Variants in DIS3L2 observed in about 807,000 individuals in gnomAD.
The protein encoded by DIS3L2 is DIS3 like 3'-5' exoribonuclease 2.
DIS3L2 carries 34 observed loss-of-function variants against 97.5 expected under a neutral mutation model. That is an observed-to-expected ratio of 0.35 (90% CI 0.27 to 0.46). DIS3L2 has a LOEUF of 0.46. Ranked by LOEUF, DIS3L2 falls within the 20% of genes least tolerant of loss-of-function variation. The pLI, the probability that DIS3L2 is intolerant of heterozygous loss-of-function variation, is 1.00. For missense variants in DIS3L2, 1,038 were observed against 1,146.0 expected (o/e 0.91, Z 1.36); for synonymous variants, 435 against 445.2 (o/e 0.98, Z 0.29).
chr2:232,316,070 C>T (rs1458996689), intron 14 of DIS3L2, among the ~76,000 whole-genome samples: 1 of 152,146 alleles, frequency 6.6e-6, no homozygotes, highest in Non-Finnish European at 1.5e-5. Flanking sequence ...GTCGGGGACC[C>T]CGCTCTCAGC....
At chr2:232,282,829 C>G (rs1409502549) in intron 13 of DIS3L2, among the ~76,000 whole-genome samples, 2 of 152,206 alleles carry the variant, frequency 1.3e-5, no homozygotes, top group Non-Finnish European at 2.9e-5. Context: ...ATTTTCCCCA[C>G]TTTCTGAATT....
chr2:232,028,247 T>A (rs1221041635), intron 4 of DIS3L2, among the ~76,000 whole-genome samples: 1 of 152,154 alleles, frequency 6.6e-6, no homozygotes, highest in South Asian at 2.1e-4. Flanking sequence ...TTTTCTATTA[T>A]CTATTCTTTC....
chr2:232,282,135 G>A (rs60990752), intron 13 of DIS3L2, among the ~76,000 whole-genome samples: 4,399 of 98,728 alleles, frequency 0.045, 94 homozygotes, highest in Admixed American at 0.098. Context: ...AGCCCTTCTC[G>A]TTTATTTAAA....
intron 12 of DIS3L2, among the ~76,000 whole-genome samples, chr2:232,257,305 T>C (rs1006015641): frequency 2.0e-5 from 3 of 152,162 alleles, no homozygotes; most frequent in African/African-American, 7.2e-5. Context: ...GGACCTTCCC[T>C]AGCAAGTTTG....
intron 10 of DIS3L2, among the ~76,000 whole-genome samples, chr2:232,227,242 G>A (rs1018997298): frequency 2.6e-5 from 4 of 152,056 alleles, no homozygotes; most frequent in Non-Finnish European, 4.4e-5. Flanking sequence ...AATTGAGAGC[G>A]CTTGTAGTCT....
intron 14 of DIS3L2, among the ~76,000 whole-genome samples, chr2:232,316,998 G>C (rs758153583): frequency 1.3e-5 from 2 of 152,020 alleles, no homozygotes; most frequent in Non-Finnish European, 2.9e-5. Flanking sequence ...TAGTGTCATC[G>C]AGCTTAACTC....
At chr2:232,176,606 G>A (rs1356362064) in intron 9 of DIS3L2, among the ~76,000 whole-genome samples, 1 of 150,574 alleles carries the variant, frequency 6.6e-6, no homozygotes, top group Non-Finnish European at 1.5e-5. Context: ...TTTTTTTCTT[G>A]AGATGGGAGT....
At chr2:232,130,883 T>C (rs1014068407) in intron 7 of DIS3L2, 164 bp downstream of exon 7, 27 of 1,046,276 alleles carry the variant, frequency 2.6e-5, no homozygotes, top group Non-Finnish European at 3.4e-5. Context: ...TTTAAACATA[T>C]AAATACGAAT....
chr2:232,317,594 G>A (rs763467801), intron 14 of DIS3L2, among the ~76,000 whole-genome samples: 3 of 151,760 alleles, frequency 2.0e-5, no homozygotes, highest in Non-Finnish European at 2.9e-5. Context: ...CCTCCACCAC[G>A]CCTGGCTAAT....
At chr2:232,327,349 G>T (rs1388760977) in intron 14 of DIS3L2, among the ~76,000 whole-genome samples, 2 of 152,264 alleles carry the variant, frequency 1.3e-5, no homozygotes, top group African/African-American at 2.4e-5. Flanking sequence ...CTTCCGGCAA[G>T]CCTGCAGCTG....
chr2:231,990,570 AT>A (rs1288234849), intron 1 of DIS3L2, among the ~76,000 whole-genome samples: 1 of 152,222 alleles, frequency 6.6e-6, no homozygotes, highest in African/African-American at 2.4e-5. Context: ...CACATGAGAA[AT>A]CAAGCTATTT....
chr2:232,131,795 C>G (rs1559661455), intron 7 of DIS3L2: 5 of 151,702 alleles, frequency 3.3e-5, no homozygotes. Flanking sequence ...AAATTATACT[C>G]TATATATTTG....
intron 16 of DIS3L2, among the ~76,000 whole-genome samples, chr2:232,333,239 T>TCCTCCTCCGCTGTCG (rs1229909309): frequency 8.3e-4 from 51 of 61,664 alleles, no homozygotes; most frequent in African/African-American, 3.6e-3. Context: ...CTCCTCCTCC[T>TCCTCCTCCGCTGTCG]CCTCCTCCTC....
At chr2:231,969,032 C>T (rs1040246162) in intron 1 of DIS3L2, among the ~76,000 whole-genome samples, 3 of 152,102 alleles carry the variant, frequency 2.0e-5, no homozygotes, top group African/African-American at 4.8e-5. Context: ...CTGCCGCCGC[C>T]GTGTAAGACA....
chr2:232,205,490 C>T (rs1692005115), intron 9 of DIS3L2, among the ~76,000 whole-genome samples: 1 of 151,988 alleles, frequency 6.6e-6, no homozygotes, highest in South Asian at 2.1e-4. Context: ...GTTGTAGAAA[C>T]AGGGTTTCAC....
rs1055484644 is a variant in DIS3L2, at chr2:232,337,114, C to T, written c.*484C>T. 12 of 1,015,664 alleles carry T rather than the reference C, an allele frequency of 1.2e-5. No homozygotes were observed. Among genetic ancestry groups the T allele is most frequent in the African/African-American group, 1.0e-4 (6 of 57,376 alleles). 62.9% of individuals were successfully genotyped at this position (1,015,664 alleles called of 1,614,324 possible). A position where few individuals can be genotyped will look rare whatever the true frequency, so the allele number is the denominator to read the frequency against. Reference sequence around the variant, plus strand: ...TGGAACTTTCCTGTCAGTTCCAACACGATTCAGAGCTGGCTGCCTGGCAGA... The same window carrying T: ...TGGAACTTTCCTGTCAGTTCCAACATGATTCAGAGCTGGCTGCCTGGCAGA... On this transcript the variant is annotated 3_prime_UTR_variant, in exon 21 of 21. Coordinates refer to ENST00000325385, the MANE Select transcript of DIS3L2 (RefSeq NM_152383.5).
At position 232,014,891 on chromosome 2, in the gene DIS3L2, T is replaced by G; in HGVS notation, c.-37T>G. 1 of 1,612,344 alleles carries G rather than the reference T, an allele frequency of 6.2e-7. No individual in the cohort carries two copies. Among genetic ancestry groups the G allele is most frequent in the South Asian group, 1.1e-5 (1 of 90,778 alleles). ...CTCTGAGCTAAGCAGTGGAGGTTTCTCTGGATCTGGAGAGAAGAGTGACCT... is the reference window on the plus strand; with the variant it reads ...CTCTGAGCTAAGCAGTGGAGGTTTCGCTGGATCTGGAGAGAAGAGTGACCT... On this transcript the variant is annotated 5_prime_UTR_variant, in exon 2 of 21. Transcript: ENST00000325385.
intron 14 of DIS3L2, among the ~76,000 whole-genome samples, chr2:232,324,472 CTA>C: frequency 6.6e-6 from 1 of 152,166 alleles, no homozygotes; most frequent in Non-Finnish European, 1.5e-5. Flanking sequence ...TGAAAATGGA[CTA>C]ATTTTCAGCT....
chr2:232,334,790 C>T, intron 19 of DIS3L2, 55 bp downstream of exon 19: 1 of 1,490,724 alleles, frequency 6.7e-7, no homozygotes, highest in Non-Finnish European at 9.1e-7. Flanking sequence ...CCATCCCGCA[C>T]TGGAGGGGCA....
Sources: allele counts gnomAD v4.1 joint callset (sites outside exome capture counted in the v4.1 genomes callset), GRCh38; gene constraint gnomAD v4.1.1; transcripts MANE v1.5; gene names NCBI Gene and HGNC (gene_info 2026-07-23, HGNC 2026-07-21).